The following CCDC3 variants were observed in gnomAD, a reference collection of about 807,000 sequenced individuals.
CCDC3 encodes coiled-coil domain-containing protein 3.
Under a neutral mutation model 21.4 loss-of-function variants are expected in CCDC3, and 24 were observed. That is an observed-to-expected ratio of 1.12 (90% CI 0.81 to 1.58). The LOEUF (loss-of-function observed/expected upper bound fraction) is 1.58, where lower values mean the gene tolerates loss of function less well. Among genes scored for constraint, CCDC3 ranks in the 40% most tolerant of loss-of-function variants. CCDC3 has a pLI of 0.00. For synonymous variants in CCDC3, 186 were observed against 166.0 expected (o/e 1.12, Z -0.93); for missense variants, 425 against 360.9 (o/e 1.18, Z -1.44).
intron 1 of CCDC3, among the ~76,000 whole-genome samples, chr10:13,000,772 G>A (rs1465043848): frequency 2.0e-5 from 3 of 152,172 alleles, no homozygotes; most frequent in Non-Finnish European, 4.4e-5. Flanking sequence ...TCTTGAGAAG[G>A]TGTCAAGAAA....
intron 2 of CCDC3, among the ~76,000 whole-genome samples, chr10:12,978,957 GCCTT>G (rs1564306643): frequency 6.6e-6 from 1 of 152,038 alleles, no homozygotes; most frequent in African/African-American, 2.4e-5. Context: ...ACGCAACACC[GCCTT>G]CCTTTTGTTC....
chr10:13,019,005 G>A (rs566372523), intron 5 of CCDC3, among the ~76,000 whole-genome samples: 5 of 152,016 alleles, frequency 3.3e-5, no homozygotes, highest in East Asian at 1.9e-4. Flanking sequence ...AGGCCGAGGC[G>A]GGCGGATCAC....
chr10:12,944,115 G>A (rs1398723912), intron 2 of CCDC3, among the ~76,000 whole-genome samples: 1 of 152,132 alleles, frequency 6.6e-6, no homozygotes, highest in Non-Finnish European at 1.5e-5. Flanking sequence ...ACAGATAACA[G>A]GCCCTGAAGG....
At chr10:12,933,560 A>G (rs533500408) in intron 2 of CCDC3, among the ~76,000 whole-genome samples, 12 of 151,152 alleles carry the variant, frequency 7.9e-5, no homozygotes, top group African/African-American at 2.7e-4. Context: ...TGGGTTCAAG[A>G]GAGTCTTGTG....
At chr10:12,932,266 C>T (rs1052669352) in intron 2 of CCDC3, among the ~76,000 whole-genome samples, 8 of 152,230 alleles carry the variant, frequency 5.3e-5, no homozygotes, top group East Asian at 1.9e-4. Flanking sequence ...TTTATCAGGA[C>T]GTAAGTAAAA....
At chr10:13,012,769 TA>T (rs781384146) in intron 5 of CCDC3, among the ~76,000 whole-genome samples, 1 of 151,588 alleles carries the variant, frequency 6.6e-6, no homozygotes, top group Admixed American at 6.6e-5. Flanking sequence ...AGACTCTGTC[TA>T]AAAAAAACAA....
At chr10:12,986,726 T>C (rs1474146675) in intron 2 of CCDC3, among the ~76,000 whole-genome samples, 1 of 150,688 alleles carries the variant, frequency 6.6e-6, no homozygotes, top group Non-Finnish European at 1.5e-5. Flanking sequence ...TGAGCCGAGA[T>C]CGTGCCACTG....
intron 2 of CCDC3, among the ~76,000 whole-genome samples, chr10:12,900,118 G>T (rs1315208004): frequency 6.6e-6 from 1 of 152,146 alleles, no homozygotes; most frequent in Non-Finnish European, 1.5e-5. Flanking sequence ...CCTCCACCAT[G>T]ATTGTGAGAC....
At position 13,001,330 on chromosome 10, in the gene CCDC3, T is replaced by C; in HGVS notation, c.241A>G (p.Met81Val). The stretch of plus-strand genomic sequence containing the variant: ...CTGCCCCACGCCTGGTCGCACAGCA[T>C]CTCGACCTCGGCCGAGTAGAAGAGG... ...GGLFYSAEVE[M>V]LCDQAWGSML... Residue 81 changes from methionine to valine, a missense_variant, in exon 1 of 3, where the codon ATG (methionine) becomes GTG (valine). Transcript: ENST00000378825. 6.2e-7 allele frequency: 1 copy of C among 1,605,756 alleles called. No individual in the cohort carries two copies. Among genetic ancestry groups the C allele is most frequent in the Non-Finnish European group, 8.5e-7 (1 of 1,177,370 alleles).
intron 2 of CCDC3, among the ~76,000 whole-genome samples, 168 bp downstream of exon 2, chr10:12,998,170 T>A (rs1227595210): frequency 1.3e-5 from 2 of 152,152 alleles, no homozygotes; most frequent in Non-Finnish European, 1.5e-5. Context: ...TGGTCTTTTT[T>A]AACAGCTGGG....
chr10:12,999,188 A>G (rs541478395), intron 1 of CCDC3, among the ~76,000 whole-genome samples: 1 of 152,272 alleles, frequency 6.6e-6, no homozygotes, highest in African/African-American at 2.4e-5. Context: ...TGCAGTGAGC[A>G]GAGATTGCAC....
intron 4 of CCDC3, among the ~76,000 whole-genome samples, chr10:13,053,451 T>TC (rs1331280876): frequency 2.6e-5 from 4 of 151,854 alleles, no homozygotes; most frequent in African/African-American, 9.7e-5. Flanking sequence ...GCACCTATAG[T>TC]CCCAGCTACT....
At chr10:13,054,809 G>C (rs1213577087) in intron 4 of CCDC3, among the ~76,000 whole-genome samples, 1 of 152,156 alleles carries the variant, frequency 6.6e-6, no homozygotes, top group Non-Finnish European at 1.5e-5. Context: ...TGGGATTACA[G>C]GTAACCCTCA....
chr10:12,916,522 A>T (rs925347799), intron 2 of CCDC3, among the ~76,000 whole-genome samples: 2 of 142,706 alleles, frequency 1.4e-5, no homozygotes. Flanking sequence ...GACCAACCTG[A>T]GGCAGGAGAA....
Position 13,074,583 on chromosome 10 carries a change from T to C in CCDC3, c.-502-483A>G, listed in dbSNP as rs866519809. On this transcript the variant is annotated intron_variant, in intron 3 of 6. Transcript: ENST00000378839. ...CTAACTCTCCCTCCCCCTCCCCCTC[T>C]CCCACTCCCTCAGCTTTTATAGATT... is the stretch of plus-strand genomic sequence containing the variant. Among the ~76,000 whole-genome samples, 392 of 147,158 alleles carry C rather than the reference T, an allele frequency of 2.7e-3. 1 individual carries two copies. Among genetic ancestry groups the C allele is most frequent in the African/African-American group, 9.1e-3 (361 of 39,816 alleles).
rs189286401 is a variant in CCDC3 at position 12,992,883 on chromosome 10, C to T, written c.549+5455G>A. ...TACTTATTTGGAGGATTTGTGGGGA[C>T]TGGGTGGATGGGTGTCAGAGGTAGT... On this transcript the variant is annotated intron_variant, in intron 2 of 2. Coordinates refer to ENST00000378825, the MANE Select transcript of CCDC3 (RefSeq NM_031455.4). Among the ~76,000 whole-genome samples, 42 of 152,282 alleles carry T rather than the reference C, an allele frequency of 2.8e-4. No homozygotes were observed. The East Asian group carries it at 7.9e-3, about 29-fold the overall frequency.
At chr10:12,976,014 T>C (rs1415626983) in intron 2 of CCDC3, among the ~76,000 whole-genome samples, 2 of 152,210 alleles carry the variant, frequency 1.3e-5, no homozygotes, top group Admixed American at 1.3e-4. Flanking sequence ...GCTATTTGCC[T>C]GTAAGCCCTA....
chr10:13,035,060 G>A (rs2782283), intron 5 of CCDC3, among the ~76,000 whole-genome samples: 76,063 of 149,832 alleles, frequency 0.51, 19,793 homozygotes, highest in East Asian at 0.71. Flanking sequence ...AAAAAAAAGA[G>A]GAAAAGAAAA....
chr10:12,936,291 T>C (rs1487266089), intron 2 of CCDC3, among the ~76,000 whole-genome samples: 1 of 152,198 alleles, frequency 6.6e-6, no homozygotes, highest in Non-Finnish European at 1.5e-5. Context: ...CTTGCTTGCA[T>C]GGTGTCTGAG....
Sources: gnomAD v4.1 joint callset for allele counts (sites outside exome capture counted in the v4.1 genomes callset) on GRCh38, gnomAD v4.1.1 for gene constraint, MANE v1.5 for transcripts, NCBI Gene and HGNC (gene_info 2026-07-23, HGNC 2026-07-21) for gene names.